The following PCYOX1 variants were observed in gnomAD, a reference collection of about 807,000 sequenced individuals.
The protein encoded by PCYOX1 is prenylcysteine oxidase 1.
A neutral mutation model predicts 46.4 loss-of-function variants in PCYOX1; 46 were observed. The ratio of observed to expected loss-of-function variants is 0.99; its 90% CI spans 0.78 to 1.27. The LOEUF (loss-of-function observed/expected upper bound fraction) is 1.27, where lower values mean the gene tolerates loss of function less well. PCYOX1 is among the 50% of genes most tolerant of loss of function. The probability of loss-of-function intolerance (pLI) is 0.00; values close to 1 mark genes in which losing one functional copy is unlikely to be tolerated. For synonymous variants in PCYOX1, 220 were observed against 231.8 expected, an observed-to-expected ratio of 0.95 and a Z score of 0.46; for missense variants, 658 against 628.3, an observed-to-expected ratio of 1.05 and a Z score of -0.51.
At chr2:70,259,215 C>T (rs1424953885) in intron 1 of PCYOX1, 145 bp from the exon 2 acceptor site, 2 of 687,240 alleles carry the variant, frequency 2.9e-6, no homozygotes, top group Non-Finnish European at 5.2e-6. Flanking sequence ...GTTAGACCTT[C>T]GCTGCAGGTG....
chr2:70,267,898 G>A (rs577362392), intron 3 of PCYOX1, among the ~76,000 whole-genome samples: 2 of 152,172 alleles, frequency 1.3e-5, no homozygotes, highest in East Asian at 1.9e-4. Context: ...TGCAGCCTCC[G>A]CCTCCTGGGT....
intron 3 of PCYOX1, among the ~76,000 whole-genome samples, 187 bp downstream of exon 3, chr2:70,261,573 G>T (rs547704953): frequency 6.6e-6 from 1 of 152,246 alleles, no homozygotes; most frequent in South Asian, 2.1e-4. Context: ...TGAAAGGTTG[G>T]TTTATTTTTG....
At chr2:70,260,004 C>T (rs569136298) in intron 2 of PCYOX1, among the ~76,000 whole-genome samples, 2 of 152,204 alleles carry the variant, frequency 1.3e-5, no homozygotes, top group East Asian at 3.9e-4. Context: ...TCAGTAGTGA[C>T]GGGGTTTCAC....
Position 70,258,314 on chromosome 2 carries a change from C to G in PCYOX1, c.112+38C>G, listed in dbSNP as rs370775019. 8.0e-4 allele frequency: 1,091 copies of G among 1,359,974 alleles called. 1 individual carries two copies. The highest frequency in any genetic ancestry group is 1.0e-3 in the Non-Finnish European group (1,048 of 1,020,630). 84.2% of individuals were successfully genotyped at this position (1,359,974 alleles called of 1,614,324 possible). A position where few individuals can be genotyped will look rare whatever the true frequency, so the allele number is the denominator to read the frequency against. ...GGGGCGGCGCGGGAAGGTGCTGGAG[C>G]GCGCCCCGCGCCGGGCGGCCGCTGC... On this transcript the variant is annotated intron_variant, in intron 1 of 5. Transcript: ENST00000433351.
At chr2:70,276,264 G>T (rs569294169) in intron 5 of PCYOX1, among the ~76,000 whole-genome samples, 22 of 151,756 alleles carry the variant, frequency 1.4e-4, no homozygotes, top group Non-Finnish European at 2.9e-4. Flanking sequence ...CCGCCTCCCG[G>T]GTTCACGCCA....
At chr2:70,262,477 A>AT (rs1425261526) in intron 3 of PCYOX1, among the ~76,000 whole-genome samples, 1,273 of 115,036 alleles carry the variant, frequency 0.011, 9 homozygotes, top group East Asian at 0.02. Context: ...GCATGTGCTA[A>AT]TTTTTTTTTT....
chr2:70,261,153 G>C (rs987971689), intron 2 of PCYOX1, 59 bp from the exon 3 acceptor site: 4 of 1,127,080 alleles, frequency 3.5e-6, no homozygotes, highest in Non-Finnish European at 5.2e-6. Context: ...CTCAGATTAC[G>C]TTCTTTCATT....
At position 70,259,499 on chromosome 2, in the gene PCYOX1, A is replaced by C. The variant is rs886301405; in HGVS notation, c.252A>C (p.Glu84Asp). Residue 84 changes from glutamate (E) to aspartate (D), a missense_variant, in exon 2 of 6, where the codon GAA (glutamate) becomes GAC (aspartate). Glu to Asp is a conservative substitution (Grantham distance 45, BLOSUM62 2). Coordinates refer to ENST00000433351, the MANE Select transcript of PCYOX1 (RefSeq NM_016297.4). ...RLATMMVQGQ[E>D]YEAGGSVIHP... ...CTACCATGATGGTGCAGGGGCAAGA[A>C]TACGAGGCAGGAGGTTCTGTCATCC... 6.2e-7 allele frequency: 1 copy of C among 1,614,028 alleles called. No homozygotes were observed. Among genetic ancestry groups the C allele is most frequent in the African/African-American group, 1.3e-5 (1 of 74,938 alleles).
intron 2 of PCYOX1, among the ~76,000 whole-genome samples, chr2:70,260,717 T>G (rs1244396155): frequency 6.6e-6 from 1 of 152,220 alleles, no homozygotes; most frequent in Non-Finnish European, 1.5e-5. Flanking sequence ...AACTTTGGCC[T>G]CCTTCCAGTT....
Position 70,277,410 on chromosome 2 carries a change from T to C in PCYOX1, c.*18T>C, listed in dbSNP as rs752152186. On this transcript the variant is annotated 3_prime_UTR_variant, in exon 6 of 6. Transcript: ENST00000433351. ...AACTATGAAGTGACACACTCCTTTT[T>C]CCCCTCCTAGTTCCAAATGACTATC... 7.7e-6 allele frequency: 12 copies of C among 1,558,678 alleles called. No individual in the cohort carries two copies. The South Asian group carries it at 1.3e-4, about 17-fold the overall frequency.
rs769434583 is a variant in PCYOX1, at chr2:70,278,969, G to A, written c.*1577G>A. On this transcript the variant is annotated 3_prime_UTR_variant, in exon 6 of 6. Transcript: ENST00000433351. ...AAAAGTTGGCCAGGCATGGTAATGC[G>A]CGCCTGTGGTCCCAGCTGCTCGGGA... 2.6e-5 allele frequency: 4 copies of A among 151,956 alleles called. No individual in the cohort carries two copies. The highest frequency in any genetic ancestry group is 4.2e-4 in the South Asian group (2 of 4,796). The allele number at this position is 151,956 out of a possible 1,614,324, so 9.4% of individuals were successfully genotyped here. A position where few individuals can be genotyped will look rare whatever the true frequency, so the allele number is the denominator to read the frequency against.
chr2:70,266,313 C>T (rs1428216309), intron 3 of PCYOX1, among the ~76,000 whole-genome samples: 2 of 151,934 alleles, frequency 1.3e-5, no homozygotes, highest in East Asian at 1.9e-4. Flanking sequence ...TGTGCGTCCA[C>T]GAGCCAAGGA....
rs1421221271 is a variant in PCYOX1 at position 70,279,554 on chromosome 2, G to A, written c.*2162G>A. 6.6e-6 allele frequency: 1 copy of A among 152,060 alleles called. No individual in the cohort carries two copies. Among genetic ancestry groups the A allele is most frequent in the African/African-American group, 2.4e-5 (1 of 41,384 alleles). 9.4% of individuals were successfully genotyped at this position (152,060 alleles called of 1,614,324 possible). ...TGGGAGGCCAAGGCAAACGGATCAC[G>A]AGGTCAGGAGATCAAGACCATCCTG... On this transcript the variant is annotated 3_prime_UTR_variant, in exon 6 of 6. Coordinates refer to ENST00000433351, the MANE Select transcript of PCYOX1 (RefSeq NM_016297.4).
intron 2 of PCYOX1, among the ~76,000 whole-genome samples, 169 bp from the exon 3 acceptor site, chr2:70,261,043 C>G (rs1036521660): frequency 1.3e-5 from 2 of 152,196 alleles, no homozygotes; most frequent in Non-Finnish European, 2.9e-5. Context: ...CCTAGCAAAT[C>G]TGCTTTTGGA....
chr2:70,259,086 G>T (rs947557729), intron 1 of PCYOX1, among the ~76,000 whole-genome samples: 1 of 152,142 alleles, frequency 6.6e-6, no homozygotes, highest in Admixed American at 6.6e-5. Context: ...AGGCCCCTTG[G>T]TTCCTCCATA....
chr2:70,270,772 C>CT (rs374784931), intron 3 of PCYOX1, among the ~76,000 whole-genome samples: 32 of 149,832 alleles, frequency 2.1e-4, no homozygotes, highest in African/African-American at 3.4e-4. Flanking sequence ...CCATTTTCTC[C>CT]TTTTTTTTTT....
At chr2:70,260,625 G>T (rs1017107985) in intron 2 of PCYOX1, among the ~76,000 whole-genome samples, 1 of 152,258 alleles carries the variant, frequency 6.6e-6, no homozygotes, top group Admixed American at 6.5e-5. Context: ...TGCAACTGCT[G>T]CCCTGACAGC....
chr2:70,262,122 A>G (rs1425432704), intron 3 of PCYOX1, among the ~76,000 whole-genome samples: 2 of 152,082 alleles, frequency 1.3e-5, no homozygotes, highest in Non-Finnish European at 2.9e-5. Flanking sequence ...TGAAAGGTAC[A>G]ATCTGTATTT....
intron 3 of PCYOX1, among the ~76,000 whole-genome samples, chr2:70,268,506 C>T (rs924089208): frequency 2.0e-5 from 3 of 152,008 alleles, no homozygotes; most frequent in African/African-American, 4.8e-5. Context: ...AGGTCTTTAG[C>T]GTAGACCCTA....
Sources: allele counts gnomAD v4.1 joint callset (sites outside exome capture counted in the v4.1 genomes callset), GRCh38; gene constraint gnomAD v4.1.1; transcripts MANE v1.5; gene names NCBI Gene and HGNC (gene_info 2026-07-23, HGNC 2026-07-21).